Variants in FASN observed in about 807,000 individuals in gnomAD.
The protein encoded by FASN is 3-hydroxyacyl-[acyl-carrier-protein] dehydratase.
FASN carries 50 observed loss-of-function variants against 250.0 expected under a neutral mutation model. The observed-to-expected ratio is 0.20, with a 90% CI of 0.16 to 0.25. FASN has a LOEUF of 0.25. FASN is among the 10% of genes least tolerant of loss of function. The pLI is 1.00. For missense variants in FASN, 3,031 were observed against 3,498.5 expected (o/e 0.87, Z 3.37); for synonymous variants, 1,909 against 1,584.0 (o/e 1.21, Z -4.87).
chr17:82,086,789 C>CT (rs1337915390), intron 21 of FASN, among the ~76,000 whole-genome samples: 3 of 151,840 alleles, frequency 2.0e-5, no homozygotes, highest in African/African-American at 7.3e-5. Flanking sequence ...TGTGCCTAGC[C>CT]AAGGTGTGAC....
At position 82,084,870 on chromosome 17, in the gene FASN, T is replaced by C. The variant is rs755163700; in HGVS notation, c.4493A>G (p.Gln1498Arg). The change falls in exon 26 of 43, where the codon CAG (glutamine) becomes CGG (arginine). Residue 1498 changes from glutamine (Q) to arginine (R), a missense_variant. Coordinates refer to ENST00000306749, the MANE Select transcript of FASN (RefSeq NM_004104.5). The stretch of plus-strand genomic sequence containing the variant: ...GTAGACGTTCATCACCAGGTCTCCC[T>C]GCAACACCTTCTGCAGTTCTGCGGA... ...PGSAELQKVL[Q>R]GDLVMNVYRD... is the part of the protein sequence containing the mutation. 3.9e-6 allele frequency: 6 copies of C among 1,550,608 alleles called. No homozygotes were observed. The highest frequency in any genetic ancestry group is 5.2e-6 in the Non-Finnish European group (6 of 1,147,088).
At position 82,091,303 on chromosome 17, in the gene FASN, C is replaced by T. The variant is rs145247848; in HGVS notation, c.1411G>A (p.Ala471Thr). ...PATAMPFRGY[A>T]VLGGERGGPE... ...CCACCGCGCTCACCACCCAGCACAG[C>T]GTAGCCACGGAAGGGCATGGCGGTG... Residue 471 changes from alanine (A) to threonine (T), a missense_variant, in exon 9 of 43, where the codon GCT becomes ACT. Transcript: ENST00000306749. The T allele has an allele frequency of 9.7e-5, 157 of 1,610,402 alleles. 1 individual carries two copies. Among genetic ancestry groups the T allele is most frequent in the Admixed American group, 5.2e-4 (31 of 59,796 alleles).
chr17:82,078,963 G>A lies in FASN; in HGVS notation c.*180C>T. On this transcript the variant is annotated 3_prime_UTR_variant, in exon 43 of 43. Coordinates refer to ENST00000306749, the MANE Select transcript of FASN (RefSeq NM_004104.5). This position sits in a 1 kb window ranked among gnomAD's most constrained non-coding sequence, Gnocchi z 5.4. Reference sequence around the variant, plus strand: ...AGCTCTGGTGTCCCCGAGGTGCCGTGGGAGGCGGCGGGTGGGTGGGACATG... The same window carrying A: ...AGCTCTGGTGTCCCCGAGGTGCCGTAGGAGGCGGCGGGTGGGTGGGACATG... The A allele has an allele frequency of 1.4e-6, 1 of 737,300 alleles. No homozygotes were observed. Among genetic ancestry groups the A allele is most frequent in the South Asian group, 1.7e-5 (1 of 57,246 alleles). The allele number at this position is 737,300 out of a possible 1,614,324, so 45.7% of individuals were successfully genotyped here. A position where few individuals can be genotyped will look rare whatever the true frequency, so the allele number is the denominator to read the frequency against.
In FASN at chr17:82,093,436, T is replaced by G. The variant is rs752504167; in HGVS notation, c.455-17A>C. 2.5e-6 allele frequency: 4 copies of G among 1,594,514 alleles called. No homozygotes were observed. The South Asian group carries it at 4.5e-5, about 18-fold the overall frequency. On this transcript the variant is annotated splice_polypyrimidine_tract_variant and intron_variant, in intron 4 of 42. Coordinates refer to ENST00000306749, the MANE Select transcript of FASN (RefSeq NM_004104.5). ...TGCTGGGCCCTGCAAGGAAGGGTGC[T>G]GCGGCTCAGGTGGGGCTGTGAGCAC... is the stretch of plus-strand genomic sequence containing the variant.
chr17:82,089,591 G>A (rs370998353), intron 12 of FASN, 41 bp downstream of exon 12: 1 of 1,560,072 alleles, frequency 6.4e-7, no homozygotes, highest in Non-Finnish European at 8.7e-7. Context: ...GCAATGGCAG[G>A]CGCAGGGGAC....
In FASN at chr17:82,079,428, C is replaced by T. The variant is rs750541652; in HGVS notation, c.7327G>A (p.Val2443Met). 1.1e-5 allele frequency: 18 copies of T among 1,613,074 alleles called. No individual in the cohort carries two copies. In the East Asian group the frequency reaches 3.3e-4, roughly 30 times the overall value. The change falls in exon 42 of 43, where the codon GTG becomes ATG. Residue 2443 changes from valine (V) to methionine (M), a missense_variant. By Grantham distance (21) the Val-to-Met change is conservative (BLOSUM62 1). Transcript: ENST00000306749. ...YTPKAKYHGN[V>M]MLLRAKTGGA... Reference sequence around the variant, plus strand: ...CCCGTCTTGGCGCGCAGTAGCATCACGTTGCCATGGTACTTGGCCTTGGGT... The same window carrying T: ...CCCGTCTTGGCGCGCAGTAGCATCATGTTGCCATGGTACTTGGCCTTGGGT...
chr17:82,081,328 T>C lies in FASN; in HGVS notation c.6431A>G (p.Asn2144Ser). 1.3e-6 allele frequency: 2 copies of C among 1,558,426 alleles called. No homozygotes were observed. Among genetic ancestry groups the C allele is most frequent in the Non-Finnish European group, 1.7e-6 (2 of 1,151,704 alleles). The change falls in exon 38 of 43, where the codon AAC becomes AGC. Residue 2144 changes from asparagine (N) to serine (S), a missense_variant. Asn to Ser is a conservative substitution (Grantham distance 46). Transcript: ENST00000306749. ...ILGIRDLAAV[N>S]LDSSLADLGL... is the part of the protein sequence containing the mutation. ...CAGGTCCGCCAGTGAGCTGTCCAGG[T>C]TGACAGCAGCCAAGTCGCGGATGCC... is the stretch of plus-strand genomic sequence containing the variant.
Position 82,083,931 on chromosome 17 carries a change from C to A in FASN, c.5099-40G>T, listed in dbSNP as rs1369077362. On this transcript the variant is annotated intron_variant, in intron 29 of 42. Coordinates refer to ENST00000306749, the MANE Select transcript of FASN (RefSeq NM_004104.5). ...AAGCGCGGCTGGTGAGCCAGGGCGG[C>A]GGGGCCAGGAGGGCAGCGGGAGGCA... is the stretch of plus-strand genomic sequence containing the variant. The A allele has an allele frequency of 6.5e-6, 10 of 1,549,480 alleles. No individual in the cohort carries two copies. In the African/African-American group the frequency reaches 1.4e-4, roughly 21 times the overall value.
At position 82,080,811 on chromosome 17, in the gene FASN, G is replaced by A. The variant is rs201913904; in HGVS notation, c.6707C>T (p.Ser2236Phe). The stretch of plus-strand genomic sequence containing the variant: ...CAGGGGCCGCTCCGAGCTCTGCACG[G>A]AGTTGAGCCGCATCAGGGTGGGGCC... ...PEGPTLMRLN[S>F]VQSSERPLFL... is the part of the protein sequence containing the mutation. Residue 2236 changes from serine to phenylalanine, a missense_variant, in exon 39 of 43, where the codon TCC becomes TTC. Coordinates refer to ENST00000306749, the MANE Select transcript of FASN (RefSeq NM_004104.5). 1,280 of 1,609,130 alleles carry A rather than the reference G, an allele frequency of 8.0e-4. 11 individuals carry two copies. In the South Asian group the frequency reaches 0.013, roughly 16 times the overall value.
chr17:82,087,788 C>T lies in FASN; in HGVS notation c.2940G>A (p.Thr980=), dbSNP rs755403955. 1.3e-5 allele frequency: 21 copies of T among 1,610,676 alleles called. No homozygotes were observed. Among genetic ancestry groups the T allele is most frequent in the South Asian group, 9.9e-5 (9 of 91,028 alleles). ...CAGCCTGGGCCAGGAAGAGGGGCTC[C>T]GTGGGGTTGGGGGTGGGGCTTTCCG... ...DHPESPTPNP[T]EPLFLAQAEV... is the part of the protein sequence containing the mutation. The change falls in exon 19 of 43, where the codon ACG becomes ACA. Residue 980 remains threonine (T), a synonymous_variant. Transcript: ENST00000306749.
chr17:82,080,628 G>A (rs1466703118), intron 39 of FASN, 38 bp from the exon 40 acceptor site: 24 of 1,550,976 alleles, frequency 1.5e-5, no homozygotes, highest in South Asian at 3.6e-5. Flanking sequence ...ATGTGCAGGC[G>A]GCAGCCACGG....
Position 82,086,317 on chromosome 17 carries a change from T to A in FASN, c.3669A>T (p.Ala1223=), listed in dbSNP as rs45444299. ...CGGCAGTGTCCAGGCAGGCCTTGAG[T>A]GCCGGGGAGTCCAGGAGGCCGCTGA... is the stretch of plus-strand genomic sequence containing the variant. The part of the protein sequence containing the change: ...PLLSGLLDSP[A]LKACLDTAVE... Residue 1223 remains alanine, a synonymous_variant, in exon 22 of 43, where the codon GCA becomes GCT. Coordinates refer to ENST00000306749, the MANE Select transcript of FASN (RefSeq NM_004104.5). 4.4e-6 allele frequency: 7 copies of A among 1,602,444 alleles called. No homozygotes were observed. The Admixed American group carries it at 1.2e-4, about 27-fold the overall frequency.
At chr17:82,094,209 T>C (rs965892956) in intron 3 of FASN, 1 of 287,790 alleles carries the variant, frequency 3.5e-6, no homozygotes, top group African/African-American at 2.2e-5. Flanking sequence ...CAGGCCGTGA[T>C]AAGGAACCGA....
rs775065708 is a variant in FASN, at chr17:82,087,145, ACCTGCTGCT to A, written c.3323_3331del (p.Glu1108_Gln1110del). 5.0e-6 allele frequency: 8 copies of A among 1,611,524 alleles called. No homozygotes were observed. In the Admixed American group the frequency reaches 1.0e-4, roughly 20 times the overall value. On this transcript the variant is annotated inframe_deletion, in exon 21 of 43. Transcript: ENST00000306749. ...GAAGCAAAACTTCTCCAGGATGGGCACCTGCTGCTCCTGCTGCCGCCGCGGGGCCGACTC... is the reference window on the plus strand; with the variant it reads ...GAAGCAAAACTTCTCCAGGATGGGCACCTGCTGCCGCCGCGGGGCCGACTC...
In FASN at chr17:82,088,111, C is replaced by A. The variant is rs1306619092; in HGVS notation, c.2785+5G>T. The A allele has an allele frequency of 2.5e-6, 4 of 1,612,802 alleles. 1 individual carries two copies. The South Asian group carries it at 3.3e-5, about 13-fold the overall frequency. ...CCCCCGCCTTGGTCCTGGGGTACCC[C>A]TCACCAGTCTTGGGCAGGATGGTGG... On this transcript the variant is annotated splice_donor_5th_base_variant and intron_variant, in intron 17 of 42. Transcript: ENST00000306749.
In FASN at chr17:82,092,476, C is replaced by T. The variant is rs766766108; in HGVS notation, c.1008G>A (p.Ser336=). 7.6e-6 allele frequency: 12 copies of T among 1,583,910 alleles called. No homozygotes were observed. Among genetic ancestry groups the T allele is most frequent in the South Asian group, 1.1e-5 (1 of 87,700 alleles). The part of the protein sequence containing the change: ...KSNMGHPEPA[S]GLAALAKVLL... The stretch of plus-strand genomic sequence containing the variant: ...CTACCTTGGCCAGGGCTGCCAGCCC[C>T]GAGGCTGGCTCCGGGTGCCCCATGT... Residue 336 remains serine, a synonymous_variant, in exon 8 of 43, where the codon TCG becomes TCA. Transcript: ENST00000306749.
chr17:82,078,829 C>T lies in FASN; in HGVS notation c.*314G>A, dbSNP rs952452012. ...CAGCAATGCAATAAATATGCAAATC[C>T]AAGCACAGAAAGACCAAGCGCAGAC... On this transcript the variant is annotated 3_prime_UTR_variant, in exon 43 of 43. Coordinates refer to ENST00000306749, the MANE Select transcript of FASN (RefSeq NM_004104.5). The surrounding 1 kb of genome is among the most constrained non-coding windows in gnomAD (Gnocchi z 5.4). The T allele has an allele frequency of 2.1e-6, 1 of 484,176 alleles. No homozygotes were observed. Among genetic ancestry groups the T allele is most frequent in the Non-Finnish European group, 3.8e-6 (1 of 262,558 alleles). The allele number at this position is 484,176 out of a possible 1,614,324, so 30.0% of individuals were successfully genotyped here.
In FASN at chr17:82,081,590, G is replaced by A; in HGVS notation, c.6406+11C>T. 1 of 1,611,936 alleles carries A rather than the reference G, an allele frequency of 6.2e-7. No homozygotes were observed. The highest frequency in any genetic ancestry group is 8.5e-7 in the Non-Finnish European group (1 of 1,179,982). ...GAAACACCTGGCGCGGCTCCTACTG[G>A]GAGTGCTCACCCAGGATGTGTGCCA... On this transcript the variant is annotated intron_variant, in intron 37 of 42. Coordinates refer to ENST00000306749, the MANE Select transcript of FASN (RefSeq NM_004104.5).
Position 82,080,147 on chromosome 17 carries a change from T to C in FASN, c.7139A>G (p.His2380Arg). Reference sequence around the variant, plus strand: ...GGGGTGTCCAGGACCCACCCTGTTGTGCTCCATGTCCGTGAACTGCTGCAC... The same window carrying C: ...GGGGTGTCCAGGACCCACCCTGTTGCGCTCCATGTCCGTGAACTGCTGCAC... ...FFVQQFTDME[H>R]NRVLEALLPL... Residue 2380 changes from histidine to arginine, a missense_variant, in exon 41 of 43, where the codon CAC becomes CGC. By Grantham distance (29) the His-to-Arg change is conservative. Coordinates refer to ENST00000306749, the MANE Select transcript of FASN (RefSeq NM_004104.5). The C allele has an allele frequency of 6.2e-7, 1 of 1,613,198 alleles. No individual in the cohort carries two copies. The highest frequency in any genetic ancestry group is 1.3e-5 in the African/African-American group (1 of 75,074).
Sources: allele counts gnomAD v4.1 joint callset (sites outside exome capture counted in the v4.1 genomes callset), GRCh38; gene constraint gnomAD v4.1.1; non-coding constraint Gnocchi (gnomAD v3.1); transcripts MANE v1.5; gene names NCBI Gene and HGNC (gene_info 2026-07-23, HGNC 2026-07-21).